SRBD1: variants seen among roughly 807,000 people sequenced by gnomAD.
SRBD1 encodes the protein S1 RNA-binding domain-containing protein 1.
Under a neutral mutation model 115.3 loss-of-function variants are expected in SRBD1, and 88 were observed. The ratio of observed to expected loss-of-function variants is 0.76; its 90% CI spans 0.64 to 0.91. SRBD1 has a LOEUF of 0.91. Ranked by LOEUF, SRBD1 falls within the 40% of genes least tolerant of loss-of-function variation. SRBD1 has a pLI of 0.00. For missense variants in SRBD1, 1,385 were observed against 1,177.4 expected (o/e 1.18, Z -2.58); for synonymous variants, 509 against 407.7 (o/e 1.25, Z -2.99).
intron 16 of SRBD1, among the ~76,000 whole-genome samples, chr2:45,421,048 T>G (rs184139219): frequency 6.6e-6 from 1 of 152,314 alleles, no homozygotes; most frequent in African/African-American, 2.4e-5. Flanking sequence ...TGGTTTATTA[T>G]TCAATGGTTT....
At chr2:45,584,979 T>C (rs7568555) in intron 5 of SRBD1, among the ~76,000 whole-genome samples, 52,205 of 151,856 alleles carry the variant, frequency 0.34, 10,547 homozygotes, top group African/African-American at 0.57. Flanking sequence ...GGCAAAACCC[T>C]GTCTCTACTA....
At chr2:45,547,786 T>C (rs1672168375) in intron 12 of SRBD1, among the ~76,000 whole-genome samples, 174 bp from the exon 13 acceptor site, 1 of 152,226 alleles carries the variant, frequency 6.6e-6, no homozygotes, top group African/African-American at 2.4e-5. Context: ...GAAGTATTGC[T>C]CTTTCCAATT....
intron 16 of SRBD1, among the ~76,000 whole-genome samples, chr2:45,451,381 A>G (rs1668988196): frequency 1.3e-5 from 2 of 152,094 alleles, no homozygotes; most frequent in Non-Finnish European, 2.9e-5. Context: ...ACCAAAGGTA[A>G]TAAAAATACT....
chr2:45,581,550 G>C lies in SRBD1; in HGVS notation c.933+143C>G, dbSNP rs182971057. The C allele has an allele frequency of 1.2e-3, 727 of 604,142 alleles. 2 individuals are homozygous for C. In the African/African-American group the frequency reaches 0.013, roughly 10 times the overall value. The allele number at this position is 604,142 out of a possible 1,614,324, so 37.4% of individuals were successfully genotyped here. A position where few individuals can be genotyped will look rare whatever the true frequency, so the allele number is the denominator to read the frequency against. Reference sequence around the variant, plus strand: ...AAAAAACACTCTATAAATATTTATTGAATAAAGAATAAATATTTTGTTGCA... The same window carrying C: ...AAAAAACACTCTATAAATATTTATTCAATAAAGAATAAATATTTTGTTGCA... On this transcript the variant is annotated intron_variant, in intron 6 of 20. Coordinates refer to ENST00000263736, the MANE Select transcript of SRBD1 (RefSeq NM_018079.5).
intron 16 of SRBD1, chr2:45,448,124 A>T (rs1350729882): frequency 1.3e-5 from 2 of 152,168 alleles, no homozygotes; most frequent in Non-Finnish European, 2.9e-5. Flanking sequence ...AGAGATGCTA[A>T]AATATAATCA....
At chr2:45,421,264 T>C (rs1032073014) in intron 16 of SRBD1, among the ~76,000 whole-genome samples, 1 of 151,888 alleles carries the variant, frequency 6.6e-6, no homozygotes, top group Non-Finnish European at 1.5e-5. Flanking sequence ...TCTCAGCACT[T>C]TGGGAGGCCG....
chr2:45,594,772 T>C (rs1233097936), intron 4 of SRBD1, among the ~76,000 whole-genome samples: 1 of 152,216 alleles, frequency 6.6e-6, no homozygotes, highest in African/African-American at 2.4e-5. Flanking sequence ...GCTAAAATTT[T>C]AGTCACCAAA....
chr2:45,475,492 C>T (rs1354517033), intron 16 of SRBD1, among the ~76,000 whole-genome samples: 5 of 152,154 alleles, frequency 3.3e-5, no homozygotes, highest in African/African-American at 4.8e-5. Flanking sequence ...TCACATTAAA[C>T]GTTATCTCTG....
intron 14 of SRBD1, among the ~76,000 whole-genome samples, chr2:45,491,518 T>C (rs887521441): frequency 6.6e-6 from 1 of 152,048 alleles, no homozygotes; most frequent in Non-Finnish European, 1.5e-5. Flanking sequence ...TTCAAATTGC[T>C]ATAGTTTAGA....
chr2:45,600,974 C>A (rs1674074065), intron 3 of SRBD1, among the ~76,000 whole-genome samples: 1 of 152,056 alleles, frequency 6.6e-6, no homozygotes, highest in African/African-American at 2.4e-5. Flanking sequence ...ATTAGAGAGC[C>A]CTCTGAGTAT....
At chr2:45,399,639 T>C (rs777136471) in intron 19 of SRBD1, among the ~76,000 whole-genome samples, 5 of 152,222 alleles carry the variant, frequency 3.3e-5, no homozygotes, top group Non-Finnish European at 7.4e-5. Flanking sequence ...GAGATTTTCA[T>C]GCAGACAGAT....
rs148264358 is a variant in SRBD1, at chr2:45,464,138, T to A, written c.2049+12855A>T. ...TGCAGAGGGGGTAAAGAAATGGAGA[T>A]GTATGCTAAATTAAAGAACTCCAGT... On this transcript the variant is annotated intron_variant, in intron 16 of 20. Coordinates refer to ENST00000263736, the MANE Select transcript of SRBD1 (RefSeq NM_018079.5). 1.8e-3 allele frequency among the ~76,000 whole-genome samples: 274 copies of A among 151,912 alleles called. 2 individuals are homozygous for A. Among genetic ancestry groups the A allele is most frequent in the African/African-American group, 6.4e-3 (266 of 41,430 alleles).
intron 19 of SRBD1, among the ~76,000 whole-genome samples, chr2:45,395,655 TCTTA>T (rs1667126393): frequency 6.6e-6 from 1 of 152,174 alleles, no homozygotes; most frequent in Non-Finnish European, 1.5e-5. Context: ...TTGAAAACTT[TCTTA>T]AAGTTAACAA....
intron 9 of SRBD1, among the ~76,000 whole-genome samples, chr2:45,566,055 G>A (rs1392958618): frequency 1.3e-5 from 2 of 152,146 alleles, no homozygotes; most frequent in African/African-American, 4.8e-5. Flanking sequence ...ACAAAAAGAT[G>A]GACAATAAAT....
intron 14 of SRBD1, among the ~76,000 whole-genome samples, chr2:45,514,188 C>T (rs1181047991): frequency 6.6e-6 from 1 of 152,150 alleles, no homozygotes; most frequent in African/African-American, 2.4e-5. Context: ...TACTTTTATT[C>T]ATCTCTAAGA....
At chr2:45,516,835 T>C (rs533984951) in intron 14 of SRBD1, among the ~76,000 whole-genome samples, 9 of 152,328 alleles carry the variant, frequency 5.9e-5, no homozygotes, top group African/African-American at 2.2e-4. Flanking sequence ...AAAAGATATA[T>C]TAGAATCCAT....
chr2:45,431,714 C>G (rs865989610), intron 16 of SRBD1, among the ~76,000 whole-genome samples: 5 of 151,956 alleles, frequency 3.3e-5, no homozygotes, highest in Admixed American at 2.0e-4. Flanking sequence ...CACTATGGCA[C>G]GTGTATACCT....
At chr2:45,409,987 C>A (rs1004703802) in intron 19 of SRBD1, among the ~76,000 whole-genome samples, 2 of 151,990 alleles carry the variant, frequency 1.3e-5, no homozygotes, top group African/African-American at 4.8e-5. Context: ...AAAAAATATT[C>A]ATAAATCATA....
intron 16 of SRBD1, among the ~76,000 whole-genome samples, chr2:45,455,360 G>A (rs1443809052): frequency 6.6e-6 from 1 of 151,868 alleles, no homozygotes; most frequent in Admixed American, 6.6e-5. Context: ...TAATCGTATT[G>A]CAGGTATGTG....
Sources: gnomAD v4.1 joint callset for allele counts (sites outside exome capture counted in the v4.1 genomes callset) on GRCh38, gnomAD v4.1.1 for gene constraint, MANE v1.5 for transcripts, NCBI Gene and HGNC (gene_info 2026-07-23, HGNC 2026-07-21) for gene names.